Variants in GAN observed in about 807,000 individuals in gnomAD.
GAN encodes epididymis secretory sperm binding protein.
Under a neutral mutation model 71.3 loss-of-function variants are expected in GAN, and 48 were observed. The ratio of observed to expected loss-of-function variants is 0.67; its 90% CI spans 0.53 to 0.86. GAN has a LOEUF of 0.86. Ranked by LOEUF, GAN falls within the 40% of genes least tolerant of loss-of-function variation. GAN has a pLI of 0.00. For missense variants in GAN, 928 were observed against 770.1 expected (o/e 1.21, Z -2.43); for synonymous variants, 386 against 276.8 (o/e 1.39, Z -3.92).
chr16:81,327,601 T>G (rs1011253953), intron 1 of GAN, among the ~76,000 whole-genome samples: 5 of 150,312 alleles, frequency 3.3e-5, no homozygotes, highest in African/African-American at 1.3e-4. Context: ...AGGCCTACTT[T>G]CTTTGAAAAG....
At chr16:81,320,477 A>C (rs1340095375) in intron 1 of GAN, among the ~76,000 whole-genome samples, 1 of 152,216 alleles carries the variant, frequency 6.6e-6, no homozygotes, top group Non-Finnish European at 1.5e-5. Flanking sequence ...TGGTAATGAG[A>C]GTCTGGCTGT....
At position 81,377,887 on chromosome 16, in the gene GAN, A is replaced by T. The variant is rs541752526; in HGVS notation, c.*291A>T. Reference sequence around the variant, plus strand: ...AAAGGAAAAGGGAGTGGGAATTGCTATCATGTAAAATATCAAAGTTAAAAT... The same window carrying T: ...AAAGGAAAAGGGAGTGGGAATTGCTTTCATGTAAAATATCAAAGTTAAAAT... On this transcript the variant is annotated 3_prime_UTR_variant, in exon 11 of 11. Transcript: ENST00000648994. The T allele has an allele frequency of 1.8e-4, 80 of 450,142 alleles. No individual in the cohort carries two copies. The highest frequency in any genetic ancestry group is 1.5e-3 in the African/African-American group (76 of 51,076). 27.9% of individuals were successfully genotyped at this position (450,142 alleles called of 1,614,324 possible).
Position 81,325,635 on chromosome 16 carries a change from A to G in GAN, c.167+10355A>G, listed in dbSNP as rs62047164. 3.4e-3 allele frequency among the ~76,000 whole-genome samples: 517 copies of G among 152,360 alleles called. 1 individual carries two copies. Among genetic ancestry groups the G allele is most frequent in the Middle Eastern group, 0.014 (4 of 294 alleles). ...TGGAGCTACTAGACCAATTGAGAGCAGCGCACTGGGACAGTGTCCTAGGCA... is the reference window on the plus strand; with the variant it reads ...TGGAGCTACTAGACCAATTGAGAGCGGCGCACTGGGACAGTGTCCTAGGCA... On this transcript the variant is annotated intron_variant, in intron 1 of 10. Coordinates refer to ENST00000648994, the MANE Select transcript of GAN (RefSeq NM_022041.4).
intron 1 of GAN, among the ~76,000 whole-genome samples, chr16:81,343,288 G>T (rs1282035962): frequency 6.6e-6 from 1 of 152,172 alleles, no homozygotes. Context: ...GCATCATCCT[G>T]ATACCAAAGC....
rs1308065529 is a variant in GAN at position 81,383,832 on chromosome 16, T to G, written c.*6236T>G. 6.6e-6 allele frequency: 1 copy of G among 152,142 alleles called. No individual in the cohort carries two copies. Among genetic ancestry groups the G allele is most frequent in the Non-Finnish European group, 1.5e-5 (1 of 68,028 alleles). The allele number at this position is 152,142 out of a possible 1,614,324, so 9.4% of individuals were successfully genotyped here. A position where few individuals can be genotyped will look rare whatever the true frequency, so the allele number is the denominator to read the frequency against. The stretch of plus-strand genomic sequence containing the variant: ...AGACACTGAATAGGATCCACGTAAA[T>G]GAACGGCCATTTCAAATCATTCACA... On this transcript the variant is annotated 3_prime_UTR_variant, in exon 11 of 11. Coordinates refer to ENST00000648994, the MANE Select transcript of GAN (RefSeq NM_022041.4).
At chr16:81,353,203 A>G (rs1316745898) in intron 2 of GAN, among the ~76,000 whole-genome samples, 2 of 150,010 alleles carry the variant, frequency 1.3e-5, no homozygotes, top group Non-Finnish European at 1.5e-5. Context: ...AGGCAGGAGA[A>G]TGGCGTGAAC....
At chr16:81,356,754 T>G in intron 3 of GAN, 31 bp from the exon 4 acceptor site, 1 of 1,428,448 alleles carries the variant, frequency 7.0e-7, no homozygotes, top group Non-Finnish European at 9.9e-7. Context: ...TTTCCATTGT[T>G]TTCGCCCCAT....
At chr16:81,327,584 A>G (rs1332112849) in intron 1 of GAN, among the ~76,000 whole-genome samples, 5 of 150,522 alleles carry the variant, frequency 3.3e-5, no homozygotes, top group Non-Finnish European at 5.9e-5. Context: ...TTTTGGATTT[A>G]TTTAGGAGGC....
intron 1 of GAN, among the ~76,000 whole-genome samples, chr16:81,319,768 C>T (rs4598907): frequency 0.94 from 142,557 of 152,096 alleles, 66,901 homozygotes; most frequent in Middle Eastern, 0.98. Flanking sequence ...GACATAGGGC[C>T]TCAAATCCAG....
rs538421515 is a variant in GAN, at chr16:81,322,466, T to C, written c.167+7186T>C. On this transcript the variant is annotated intron_variant, in intron 1 of 10. Coordinates refer to ENST00000648994, the MANE Select transcript of GAN (RefSeq NM_022041.4). Reference sequence around the variant, plus strand: ...GCCAATGCGTATCATAAATGGAAGATAGGAGGACTAGTTTTTAAAAGTTGA... The same window carrying C: ...GCCAATGCGTATCATAAATGGAAGACAGGAGGACTAGTTTTTAAAAGTTGA... Among the ~76,000 whole-genome samples, 8 of 152,340 alleles carry C rather than the reference T, an allele frequency of 5.3e-5. No individual in the cohort carries two copies. The South Asian group carries it at 1.0e-3, about 20-fold the overall frequency.
Position 81,357,907 on chromosome 16 carries a change from A to G in GAN, c.949A>G (p.Ile317Val). The G allele has an allele frequency of 6.2e-7, 1 of 1,613,960 alleles. No homozygotes were observed. The highest frequency in any genetic ancestry group is 8.5e-7 in the Non-Finnish European group (1 of 1,179,846). Residue 317 changes from isoleucine to valine, a missense_variant, in exon 5 of 11, where the codon ATT (isoleucine) becomes GTT (valine). Ile to Val is a conservative substitution (Grantham distance 29, BLOSUM62 3). Transcript: ENST00000648994. ...IELAPLSMPR[I>V]NHGVLSAEGF... ...ACTGGCCCCTTTAAGCATGCCGAGAATTAACCATGGAGTTCTCTCAGCAGG... is the reference window on the plus strand; with the variant it reads ...ACTGGCCCCTTTAAGCATGCCGAGAGTTAACCATGGAGTTCTCTCAGCAGG...
In GAN at chr16:81,378,410, T is replaced by G. The variant is rs1484736853; in HGVS notation, c.*814T>G. ...CTGCCTTCTCAATGAGCAAAACCAT[T>G]TTCTAAGTATGAGGATATTAGTGAG... On this transcript the variant is annotated 3_prime_UTR_variant, in exon 11 of 11. Transcript: ENST00000648994. The G allele has an allele frequency of 6.6e-6, 1 of 152,168 alleles. No individual in the cohort carries two copies. Among genetic ancestry groups the G allele is most frequent in the African/African-American group, 2.4e-5 (1 of 41,434 alleles). 9.4% of individuals were successfully genotyped at this position (152,168 alleles called of 1,614,324 possible).
intron 8 of GAN, 37 bp from the exon 9 acceptor site, chr16:81,365,313 C>T (rs1007418148): frequency 1.2e-6 from 2 of 1,613,288 alleles, no homozygotes; most frequent in Non-Finnish European, 8.5e-7. Flanking sequence ...TCGCATTGTA[C>T]AGCTTGTGCC....
intron 1 of GAN, among the ~76,000 whole-genome samples, chr16:81,317,520 C>T (rs1378004524): frequency 2.6e-5 from 4 of 152,172 alleles, no homozygotes; most frequent in African/African-American, 9.7e-5. Flanking sequence ...AGGTCTGTTC[C>T]CATGTCTTCA....
In GAN at chr16:81,383,454, A is replaced by T. The variant is rs1446301193; in HGVS notation, c.*5858A>T. 1 of 150,832 alleles carries T rather than the reference A, an allele frequency of 6.6e-6. No individual in the cohort carries two copies. 9.3% of individuals were successfully genotyped at this position (150,832 alleles called of 1,614,324 possible). A position where few individuals can be genotyped will look rare whatever the true frequency, so the allele number is the denominator to read the frequency against. ...TTTTTAGTAGAGACGGGGTTTCACC[A>T]TGTTAGCCAGCATGGTCTCGATCTC... On this transcript the variant is annotated 3_prime_UTR_variant, in exon 11 of 11. Transcript: ENST00000648994.
In GAN at chr16:81,354,364, T is replaced by C. The variant is rs978580248; in HGVS notation, c.283-41T>C. On this transcript the variant is annotated intron_variant, in intron 2 of 10. Coordinates refer to ENST00000648994, the MANE Select transcript of GAN (RefSeq NM_022041.4). ...ATAGGTTAGTGGTTTGGGTTTTAAA[T>C]GTACACATTCAAATATAAGATAATT... The C allele has an allele frequency of 6.2e-6, 8 of 1,297,238 alleles. 1 individual carries two copies. In the South Asian group the frequency reaches 9.5e-5, roughly 15 times the overall value. 80.4% of individuals were successfully genotyped at this position (1,297,238 alleles called of 1,614,324 possible).
At chr16:81,334,762 C>T (rs987059638) in intron 1 of GAN, among the ~76,000 whole-genome samples, 1 of 152,218 alleles carries the variant, frequency 6.6e-6, no homozygotes, top group African/African-American at 2.4e-5. Context: ...TCAGCCGGTT[C>T]ATGATGCCAT....
intron 6 of GAN, among the ~76,000 whole-genome samples, chr16:81,362,949 C>A (rs1277827584): frequency 6.6e-6 from 1 of 152,216 alleles, no homozygotes; most frequent in African/African-American, 2.4e-5. Context: ...CGTCTTCGTA[C>A]GACGTCTCAC....
chr16:81,376,515 G>A (rs944826529), intron 9 of GAN, among the ~76,000 whole-genome samples: 101 of 137,752 alleles, frequency 7.3e-4, no homozygotes, highest in African/African-American at 1.9e-3. Flanking sequence ...GTGTGTATGT[G>A]TGTGTGTATA....
Sources: allele counts gnomAD v4.1 joint callset (sites outside exome capture counted in the v4.1 genomes callset), GRCh38; gene constraint gnomAD v4.1.1; transcripts MANE v1.5; gene names NCBI Gene and HGNC (gene_info 2026-07-23, HGNC 2026-07-21).